The following COL4A5 variants were observed in gnomAD, a reference collection of about 807,000 sequenced individuals.
COL4A5 encodes collagen type IV alpha 5 chain.
Under a neutral mutation model 130.2 loss-of-function variants are expected in COL4A5, and 26 were observed. That is an observed-to-expected ratio of 0.20 (90% CI 0.15 to 0.28). The LOEUF (loss-of-function observed/expected upper bound fraction) is 0.28. Among genes scored for constraint, COL4A5 ranks in the 10% least tolerant of loss-of-function variants. The pLI, the probability that COL4A5 is intolerant of heterozygous loss-of-function variation, is 1.00. For missense variants in COL4A5, 1,131 were observed against 1,344.3 expected, an observed-to-expected ratio of 0.84 and a Z score of 2.48; for synonymous variants, 496 against 439.6, an observed-to-expected ratio of 1.13 and a Z score of -1.60.
In COL4A5 at chrX:108,554,037, CAGAA is replaced by C. The variant is rs753402992; in HGVS notation, c.142-5024_142-5021del. Among the ~76,000 whole-genome samples, 93 of 111,447 alleles carry C rather than the reference CAGAA, an allele frequency of 8.3e-4. 3 individuals carry two copies. The Admixed American group carries it at 8.7e-3, about 10-fold the overall frequency. ...GAAAATGCAAATTAATCTACAGTGA[CAGAA>C]AGCAGATCTCTAATAGCCTGGGGTG... On this transcript the variant is annotated intron_variant, in intron 2 of 52. Coordinates refer to ENST00000328300, the MANE Select transcript of COL4A5 (RefSeq NM_033380.3).
At chrX:108,541,236 T>C (rs1162763868) in intron 2 of COL4A5, among the ~76,000 whole-genome samples, 1 of 111,999 alleles carries the variant, frequency 8.9e-6, no homozygotes, top group African/African-American at 3.3e-5. Flanking sequence ...ATTAGTTTGA[T>C]GGGAGTAGTT....
At chrX:108,582,255 C>A (rs2066262696) in intron 16 of COL4A5, among the ~76,000 whole-genome samples, 1 of 110,865 alleles carries the variant, frequency 9.0e-6, no homozygotes, top group African/African-American at 3.3e-5. Flanking sequence ...TCTTTTGGAA[C>A]AATTGGTCTT....
intron 1 of COL4A5, among the ~76,000 whole-genome samples, chrX:108,487,938 G>A (rs1232366816): frequency 8.9e-6 from 1 of 112,164 alleles, no homozygotes; most frequent in Non-Finnish European, 1.9e-5. Flanking sequence ...GGGAAATTAG[G>A]TGTAATAATT....
intron 1 of COL4A5, among the ~76,000 whole-genome samples, chrX:108,493,767 C>T (rs1390025462): frequency 9.7e-6 from 1 of 103,160 alleles, no homozygotes; most frequent in Non-Finnish European, 2.0e-5. Context: ...GAGAGTTAAC[C>T]AGCATTTATA....
chrX:108,456,618 G>T (rs2064586977), intron 1 of COL4A5, among the ~76,000 whole-genome samples: 1 of 111,306 alleles, frequency 9.0e-6, no homozygotes, highest in African/African-American at 3.3e-5. Flanking sequence ...AGTAAAGAAT[G>T]ACTTTTTTTT....
chrX:108,688,226 A>G (rs764307401), intron 49 of COL4A5, among the ~76,000 whole-genome samples: 6 of 111,686 alleles, frequency 5.4e-5, no homozygotes, highest in African/African-American at 1.9e-4. Context: ...TATATAAAGT[A>G]TGACATTTCT....
At chrX:108,492,154 T>C (rs2064998779) in intron 1 of COL4A5, among the ~76,000 whole-genome samples, 1 of 111,675 alleles carries the variant, frequency 9.0e-6, no homozygotes, top group Non-Finnish European at 1.9e-5. Context: ...CTTCAGGGTC[T>C]CAACTAGCAG....
intron 1 of COL4A5, among the ~76,000 whole-genome samples, chrX:108,473,634 T>TATATATATATATATATA (rs1556359558): frequency 4.4e-5 from 1 of 22,921 alleles, no homozygotes; most frequent in Non-Finnish European, 9.2e-5. Context: ...TATATATATA[T>TATATATATATATATATA]TTTTTTTTTT....
intron 13 of COL4A5, among the ~76,000 whole-genome samples, chrX:108,579,669 C>T (rs2147774279): frequency 8.9e-6 from 1 of 111,954 alleles, no homozygotes; most frequent in East Asian, 2.8e-4. Flanking sequence ...CACACTTTAA[C>T]AAACAGAATG....
intron 1 of COL4A5, among the ~76,000 whole-genome samples, chrX:108,516,395 ATC>A (rs2065221567): frequency 8.9e-6 from 1 of 111,793 alleles, no homozygotes; most frequent in Non-Finnish European, 1.9e-5. Context: ...TGCTTCTTTT[ATC>A]TGTGATGTTA....
chrX:108,485,799 C>T (rs1409135403), intron 1 of COL4A5, among the ~76,000 whole-genome samples: 2 of 110,876 alleles, frequency 1.8e-5, no homozygotes, highest in Non-Finnish European at 3.8e-5. Flanking sequence ...CACAAGCATT[C>T]CCTTAGCTGC....
chrX:108,591,120 G>A lies in COL4A5; in HGVS notation c.1228G>A (p.Asp410Asn). Residue 410 changes from aspartate to asparagine, a missense_variant, in exon 20 of 53, where the codon GAT (aspartate) becomes AAT (asparagine). Physicochemically the swap from Asp to Asn is conservative, Grantham distance 23. Coordinates refer to ENST00000328300, the MANE Select transcript of COL4A5 (RefSeq NM_033380.3). ...GFPGERGQKGDEGPPGISIPG... is the reference protein window; with the variant it reads ...GFPGERGQKGNEGPPGISIPG... ...TCCTGGAGAAAGGGGTCAGAAAGGT[G>A]ATGAAGGACCACCTGGAATTTCCAT... 2 of 1,209,755 alleles carry A rather than the reference G, an allele frequency of 1.7e-6. No homozygotes were observed. Among genetic ancestry groups the A allele is most frequent in the Non-Finnish European group, 2.2e-6 (2 of 894,700 alleles).
chrX:108,632,942 C>G (rs1298039785), intron 36 of COL4A5, among the ~76,000 whole-genome samples: 1 of 111,768 alleles, frequency 8.9e-6, no homozygotes, highest in East Asian at 2.8e-4. Context: ...CCCTCTCTCA[C>G]TACTCCTGTT....
At chrX:108,473,633 A>ATATATTTTTTT in intron 1 of COL4A5, among the ~76,000 whole-genome samples, 6 of 34,558 alleles carry the variant, frequency 1.7e-4, no homozygotes, top group East Asian at 4.9e-4. Context: ...ATATATATAT[A>ATATATTTTTTT]TTTTTTTTTT....
intron 25 of COL4A5, among the ~76,000 whole-genome samples, 164 bp downstream of exon 25, chrX:108,599,034 G>T (rs1005716125): frequency 9.1e-6 from 1 of 109,877 alleles, no homozygotes; most frequent in Non-Finnish European, 1.9e-5. Flanking sequence ...TTTATAAGGG[G>T]GTTTCTTTTT....
At chrX:108,612,334 A>G (rs1446280478) in intron 29 of COL4A5, among the ~76,000 whole-genome samples, 1 of 111,110 alleles carries the variant, frequency 9.0e-6, no homozygotes, top group Admixed American at 9.6e-5. Context: ...TGAAGGGCAT[A>G]CAGATTGGAA....
At chrX:108,629,421 G>A (rs2067211747) in intron 36 of COL4A5, among the ~76,000 whole-genome samples, 2 of 111,410 alleles carry the variant, frequency 1.8e-5, no homozygotes, top group Non-Finnish European at 3.8e-5. Flanking sequence ...GGCTAATGAT[G>A]TTGATGGCTT....
At chrX:108,509,807 A>G (rs974195183) in intron 1 of COL4A5, among the ~76,000 whole-genome samples, 2 of 112,181 alleles carry the variant, frequency 1.8e-5, no homozygotes, top group African/African-American at 6.5e-5. Context: ...ATTACTGGGT[A>G]TATACCCAGA....
chrX:108,584,489 A>G lies in COL4A5; in HGVS notation c.996A>G (p.Gln332=), dbSNP rs2147784301. The G allele has an allele frequency of 1.7e-6, 2 of 1,208,005 alleles. No homozygotes were observed. Among genetic ancestry groups the G allele is most frequent in the Non-Finnish European group, 2.2e-6 (2 of 893,314 alleles). The stretch of plus-strand genomic sequence containing the variant: ...TTTACAATTGCATTGAACAGGGCCA[A>G]AAAGGTGACACTGGCCCACCTGGAC... ...GEPGRDGEKG[Q]KGDTGPPGPP... is the part of the protein sequence containing the mutation. Residue 332 remains glutamine, a synonymous_variant, in exon 18 of 53, where the codon CAA becomes CAG. Coordinates refer to ENST00000328300, the MANE Select transcript of COL4A5 (RefSeq NM_033380.3).
Sources: gnomAD v4.1 joint callset for allele counts (sites outside exome capture counted in the v4.1 genomes callset) on GRCh38, gnomAD v4.1.1 for gene constraint, MANE v1.5 for transcripts, NCBI Gene and HGNC (gene_info 2026-07-23, HGNC 2026-07-21) for gene names.